ENTPD1: variants seen among roughly 807,000 people sequenced by gnomAD.
ENTPD1 encodes the protein ectonucleoside triphosphate diphosphohydrolase 1.
Under a neutral mutation model 57.0 loss-of-function variants are expected in ENTPD1, and 33 were observed. The observed-to-expected ratio is 0.58, with a 90% CI of 0.44 to 0.77. The LOEUF is 0.77. ENTPD1 is among the 30% of genes least tolerant of loss of function. ENTPD1 has a pLI of 0.00. For synonymous variants in ENTPD1, 202 were observed against 218.8 expected (o/e 0.92, Z 0.68); for missense variants, 501 against 603.4 (o/e 0.83, Z 1.78).
rs3176881 is a variant in ENTPD1, at chr10:95,864,450, A to G, written c.1189-274A>G. ...ACTGAAATTTAGTGTTTCAGAACCT[A>G]CTAGACCACAGGAACTACTTTTTTC... On this transcript the variant is annotated intron_variant, in intron 8 of 9. Coordinates refer to ENST00000371205, the MANE Select transcript of ENTPD1 (RefSeq NM_001776.6). 0.5 allele frequency among the ~76,000 whole-genome samples: 75,384 copies of G among 152,022 alleles called. 19,212 individuals carry two copies. The highest frequency in any genetic ancestry group is 0.6 in the Admixed American group (9,132 of 15,278).
intron 2 of ENTPD1, among the ~76,000 whole-genome samples, chr10:95,827,565 A>T (rs1566203756): frequency 6.6e-6 from 1 of 152,108 alleles, no homozygotes; most frequent in Non-Finnish European, 1.5e-5. Context: ...AGCTCACTAC[A>T]ACCTCTGCCT....
intron 1 of ENTPD1, among the ~76,000 whole-genome samples, chr10:95,770,240 AGAGAGT>A (rs1193532746): frequency 9.7e-6 from 1 of 102,828 alleles, no homozygotes; most frequent in Non-Finnish European, 2.2e-5. Context: ...AGAGAGAGAG[AGAGAGT>A]GAGTGAGTGA....
chr10:95,797,267 T>A (rs1454885372), intron 1 of ENTPD1, among the ~76,000 whole-genome samples: 1 of 151,978 alleles, frequency 6.6e-6, no homozygotes, highest in Non-Finnish European at 1.5e-5. Context: ...ATTTTAGACA[T>A]GGTGAGTTTG....
chr10:95,725,454 C>T (rs990560815), intron 1 of ENTPD1, among the ~76,000 whole-genome samples: 18 of 151,936 alleles, frequency 1.2e-4, no homozygotes, highest in Non-Finnish European at 1.9e-4. Flanking sequence ...TATAGCAACT[C>T]GGGATTCTGT....
chr10:95,833,260 T>G (rs2098401684), intron 2 of ENTPD1, among the ~76,000 whole-genome samples: 6 of 152,226 alleles, frequency 3.9e-5, no homozygotes, highest in Admixed American at 3.9e-4. Context: ...TAAAAATGGT[T>G]ACAATGGTAA....
intron 1 of ENTPD1, among the ~76,000 whole-genome samples, chr10:95,758,593 G>A (rs535006416): frequency 6.6e-6 from 1 of 152,224 alleles, no homozygotes; most frequent in East Asian, 1.9e-4. Flanking sequence ...CCTGCCCTCT[G>A]CATCACCTTC....
intron 1 of ENTPD1, among the ~76,000 whole-genome samples, chr10:95,717,822 C>A (rs2097973275): frequency 6.6e-6 from 1 of 152,136 alleles, no homozygotes; most frequent in South Asian, 2.1e-4. Context: ...GCCTTCAATG[C>A]CATTAACATC....
chr10:95,810,076 G>A lies in ENTPD1; in HGVS notation c.17-13161G>A, dbSNP rs1337555255. Among the ~76,000 whole-genome samples, 3 of 140,714 alleles carry A rather than the reference G, an allele frequency of 2.1e-5. 1 individual carries two copies. Among genetic ancestry groups the A allele is most frequent in the Non-Finnish European group, 4.7e-5 (3 of 64,184 alleles). The allele number at this position is 140,714 out of a possible 152,430, so 92.3% of individuals were successfully genotyped here. ...ACTTCCCAGACAGGGTCGCGGTCGG[G>A]CAGAGGCACTCCTCACCTCCCGGAC... is the stretch of plus-strand genomic sequence containing the variant. On this transcript the variant is annotated intron_variant, in intron 1 of 9. Coordinates refer to ENST00000371205, the MANE Select transcript of ENTPD1 (RefSeq NM_001776.6).
intron 1 of ENTPD1, among the ~76,000 whole-genome samples, chr10:95,760,733 C>T (rs2139987465): frequency 1.3e-5 from 2 of 149,754 alleles, no homozygotes; most frequent in East Asian, 4.0e-4. Context: ...TGTTTAATCG[C>T]ACCAACTACT....
chr10:95,709,679 G>A (rs2139801000), upstream of ENTPD1, among the ~76,000 whole-genome samples: 1 of 151,534 alleles, frequency 6.6e-6, no homozygotes, highest in Middle Eastern at 3.4e-3. Context: ...CACCGGGCCT[G>A]GGCCTCTTGT....
chr10:95,805,282 G>A (rs2098267432), intron 1 of ENTPD1, among the ~76,000 whole-genome samples: 1 of 152,074 alleles, frequency 6.6e-6, no homozygotes, highest in African/African-American at 2.4e-5. Flanking sequence ...TTGGTTTAAA[G>A]TCTGTTTTAC....
chr10:95,842,435 G>A lies in ENTPD1; in HGVS notation c.354G>A (p.Arg118=), dbSNP rs1268742382. The stretch of plus-strand genomic sequence containing the variant: ...AAAGAGCTAGGGAAGTGATTCCAAG[G>A]TCCCAGCACCAAGAGACACCCGTTT... ...CMERAREVIP[R]SQHQETPVYL... The change falls in exon 4 of 10, where the codon AGG becomes AGA. Residue 118 remains arginine, a synonymous_variant. Transcript: ENST00000371205. 4 of 1,614,002 alleles carry A rather than the reference G, an allele frequency of 2.5e-6. No homozygotes were observed. The highest frequency in any genetic ancestry group is 2.5e-6 in the Non-Finnish European group (3 of 1,179,994).
chr10:95,717,908 A>C (rs1288788868), intron 1 of ENTPD1, among the ~76,000 whole-genome samples: 2 of 152,188 alleles, frequency 1.3e-5, no homozygotes, highest in Non-Finnish European at 2.9e-5. Flanking sequence ...GCTCCATTTG[A>C]AGAACGATTT....
chr10:95,818,888 A>G (rs911454827), intron 1 of ENTPD1, among the ~76,000 whole-genome samples: 1 of 152,206 alleles, frequency 6.6e-6, no homozygotes, highest in Admixed American at 6.5e-5. Flanking sequence ...TTGCTCACCA[A>G]TGCTTGTCCA....
intron 1 of ENTPD1, among the ~76,000 whole-genome samples, chr10:95,770,252 AGTGAGTGTGTGT>A (rs1187895615): frequency 8.7e-6 from 1 of 115,346 alleles, no homozygotes; most frequent in Non-Finnish European, 1.7e-5. Context: ...AGAGTGAGTG[AGTGAGTGTGTGT>A]GTGTGTGTGT....
chr10:95,749,685 A>G (rs1379259278), intron 1 of ENTPD1, among the ~76,000 whole-genome samples: 1 of 152,226 alleles, frequency 6.6e-6, no homozygotes, highest in Non-Finnish European at 1.5e-5. Context: ...AAAGAACAGC[A>G]TATGCAAAGA....
intron 2 of ENTPD1, among the ~76,000 whole-genome samples, chr10:95,837,991 CCACA>C (rs201092767): frequency 6.9e-6 from 1 of 144,160 alleles, no homozygotes; most frequent in East Asian, 2.0e-4. Flanking sequence ...CACCACACAC[CCACA>C]CACACCCACA....
intron 1 of ENTPD1, among the ~76,000 whole-genome samples, chr10:95,793,692 G>C (rs148696151): frequency 6.6e-6 from 1 of 152,252 alleles, no homozygotes; most frequent in African/African-American, 2.4e-5. Flanking sequence ...TGATTCTGAT[G>C]CAGGTTTATG....
chr10:95,806,540 G>A (rs989496205), intron 1 of ENTPD1, among the ~76,000 whole-genome samples: 10 of 152,236 alleles, frequency 6.6e-5, no homozygotes, highest in African/African-American at 2.2e-4. Context: ...CTGGCAAGGA[G>A]CTGCAATCCT....
Sources: gnomAD v4.1 joint callset for allele counts (sites outside exome capture counted in the v4.1 genomes callset) on GRCh38, gnomAD v4.1.1 for gene constraint, MANE v1.5 for transcripts, NCBI Gene and HGNC (gene_info 2026-07-23, HGNC 2026-07-21) for gene names.